The following ROCK1 variants were observed in gnomAD, a reference collection of about 807,000 sequenced individuals.
ROCK1 encodes Rho associated coiled-coil containing protein kinase 1, also known as rho-associated protein kinase 1.
Under a neutral mutation model 196.8 loss-of-function variants are expected in ROCK1, and 36 were observed. The observed-to-expected ratio is 0.18, with a 90% confidence interval of 0.14 to 0.24. ROCK1 has a LOEUF of 0.24. Among genes scored for constraint, ROCK1 ranks in the 10% least tolerant of loss-of-function variants. The pLI, the probability that ROCK1 is intolerant of heterozygous loss-of-function variation, is 1.00. For synonymous variants in ROCK1, 443 were observed against 515.9 expected (o/e 0.86, Z 1.91); for missense variants, 920 against 1,562.0 (o/e 0.59, Z 6.93).
At chr18:21,008,600 A>G (rs560742010) in intron 13 of ROCK1, among the ~76,000 whole-genome samples, 1 of 152,172 alleles carries the variant, frequency 6.6e-6, no homozygotes, top group Admixed American at 6.5e-5. Context: ...CACAACTTAA[A>G]AATGTACCTT....
intron 2 of ROCK1, among the ~76,000 whole-genome samples, chr18:21,059,051 C>T (rs2036267335): frequency 6.6e-6 from 1 of 152,052 alleles, no homozygotes; most frequent in Non-Finnish European, 1.5e-5. Context: ...TATAAAAAAT[C>T]CAGACTCCTA....
At chr18:20,958,651 G>A (rs1005845960) in intron 29 of ROCK1, among the ~76,000 whole-genome samples, 2 of 150,620 alleles carry the variant, frequency 1.3e-5, no homozygotes, top group African/African-American at 4.9e-5. Context: ...ACAGGGAACT[G>A]ATTCCAGGAA....
chr18:21,054,828 T>C (rs572185788), intron 2 of ROCK1, among the ~76,000 whole-genome samples: 1 of 152,202 alleles, frequency 6.6e-6, no homozygotes, highest in African/African-American at 2.4e-5. Context: ...TCCATGGTCA[T>C]ATACTAGACC....
intron 2 of ROCK1, among the ~76,000 whole-genome samples, chr18:21,065,594 C>A (rs1161584612): frequency 6.6e-6 from 1 of 152,030 alleles, no homozygotes; most frequent in Non-Finnish European, 1.5e-5. Flanking sequence ...CAAATTTTCT[C>A]TCCCTTCATC....
intron 16 of ROCK1, among the ~76,000 whole-genome samples, chr18:20,998,627 CA>C (rs1341504501): frequency 6.3e-4 from 66 of 104,658 alleles, no homozygotes; most frequent in African/African-American, 2.6e-3. Flanking sequence ...TTTTTTGAGA[CA>C]GGATCTTGCT....
In ROCK1 at chr18:20,992,954, A is replaced by C. The variant is rs1167212538; in HGVS notation, c.1886-17T>G. 2 of 1,512,226 alleles carry C rather than the reference A, an allele frequency of 1.3e-6. No homozygotes were observed. The highest frequency in any genetic ancestry group is 1.8e-6 in the Non-Finnish European group (2 of 1,089,356). The allele number at this position is 1,512,226 out of a possible 1,614,324, so 93.7% of individuals were successfully genotyped here. A position where few individuals can be genotyped will look rare whatever the true frequency, so the allele number is the denominator to read the frequency against. On this transcript the variant is annotated splice_polypyrimidine_tract_variant and intron_variant, in intron 16 of 32. Transcript: ENST00000399799. ...TAATTCGAGCTATCAAGTGAGAAAA[A>C]AGTTCAAGTCTGTAGTCATTGAAAG...
At chr18:20,960,437 C>T (rs1281444646) in intron 27 of ROCK1, among the ~76,000 whole-genome samples, 1 of 151,676 alleles carries the variant, frequency 6.6e-6, no homozygotes. Flanking sequence ...ATTTAGTAAT[C>T]AATTACAAAA....
intron 27 of ROCK1, among the ~76,000 whole-genome samples, chr18:20,962,233 A>C (rs2035334162): frequency 6.6e-6 from 1 of 152,204 alleles, no homozygotes; most frequent in Admixed American, 6.5e-5. Flanking sequence ...CCAATATTTT[A>C]TCTTATAAAA....
Position 20,968,798 on chromosome 18 carries a change from T to C in ROCK1, c.2977A>G (p.Asn993Asp). 6.2e-7 allele frequency: 1 copy of C among 1,607,396 alleles called. No individual in the cohort carries two copies. The highest frequency in any genetic ancestry group is 1.3e-5 in the African/African-American group (1 of 74,874). ...TGTGTTTTAAGGGTTCGTTCAGTGT[T>C]GATATTCTTTTCAAAGGCAGCCTTA... ...NLKAAFEKNI[N>D]TERTLKTQAV... The change falls in exon 25 of 33, where the codon AAC becomes GAC. Residue 993 changes from asparagine (N) to aspartate (D), a missense_variant. Asn to Asp is a conservative substitution (Grantham distance 23, BLOSUM62 1). Transcript: ENST00000399799.
intron 22 of ROCK1, among the ~76,000 whole-genome samples, chr18:20,970,718 G>A (rs984949948): frequency 2.6e-5 from 4 of 152,132 alleles, no homozygotes; most frequent in African/African-American, 9.7e-5. Context: ...GAACTATTTA[G>A]TTTTCTATCC....
At chr18:21,063,762 T>C (rs926008489) in intron 2 of ROCK1, among the ~76,000 whole-genome samples, 1 of 152,166 alleles carries the variant, frequency 6.6e-6, no homozygotes, top group African/African-American at 2.4e-5. Context: ...TAAATGAAAA[T>C]GAAGAAGCTT....
In ROCK1 at chr18:21,009,872, C is replaced by T. The variant is rs183475384; in HGVS notation, c.1411-1678G>A. 1.1e-4 allele frequency among the ~76,000 whole-genome samples: 16 copies of T among 152,214 alleles called. No homozygotes were observed. In the East Asian group the frequency reaches 1.9e-3, roughly 18 times the overall value. ...CTAAAAAGTTTAAAAAGTATGGATT[C>T]GCTTTCCTTAACACTTATATAGGGC... On this transcript the variant is annotated intron_variant, in intron 13 of 32. Transcript: ENST00000399799.
chr18:21,029,216 G>A (rs1371728430), intron 9 of ROCK1, among the ~76,000 whole-genome samples: 2 of 152,148 alleles, frequency 1.3e-5, no homozygotes, highest in South Asian at 2.1e-4. Flanking sequence ...ACTAAGGTTT[G>A]TTTTAGAATG....
chr18:20,997,836 A>AT lies in ROCK1; in HGVS notation c.1886-4900dup, dbSNP rs112658977. ...AAAACTAGAAATCAACAACAAGTGGATTTTTTTTTTTTTTTTGAGACGAAG... is the reference window on the plus strand; with the variant it reads ...AAAACTAGAAATCAACAACAAGTGGATTTTTTTTTTTTTTTTTGAGACGAAG... On this transcript the variant is annotated intron_variant, in intron 16 of 32. Coordinates refer to ENST00000399799, the MANE Select transcript of ROCK1 (RefSeq NM_005406.3). Among the ~76,000 whole-genome samples, 627 of 141,924 alleles carry AT rather than the reference A, an allele frequency of 4.4e-3. 3 individuals carry two copies. The highest frequency in any genetic ancestry group is 7.4e-3 in the East Asian group (36 of 4,862). The allele number at this position is 141,924 out of a possible 152,430, so 93.1% of individuals were successfully genotyped here.
intron 16 of ROCK1, among the ~76,000 whole-genome samples, chr18:21,003,720 G>A (rs1180001296): frequency 6.6e-6 from 1 of 152,058 alleles, no homozygotes; most frequent in Non-Finnish European, 1.5e-5. Flanking sequence ...TATAGTACAG[G>A]TTAGGCATCC....
chr18:21,025,336 T>C (rs2035946632), intron 10 of ROCK1, among the ~76,000 whole-genome samples: 2 of 152,234 alleles, frequency 1.3e-5, no homozygotes, highest in South Asian at 4.1e-4. Context: ...TAAAAGTATA[T>C]CTGGATTTCA....
intron 9 of ROCK1, among the ~76,000 whole-genome samples, chr18:21,035,798 T>C (rs2036051887): frequency 6.6e-6 from 1 of 152,190 alleles, no homozygotes; most frequent in Admixed American, 6.5e-5. Flanking sequence ...GACATTGTGC[T>C]AGGTGAAATA....
chr18:20,984,657 A>G (rs1056726477), intron 19 of ROCK1, 122 bp from the exon 20 acceptor site: 4 of 672,024 alleles, frequency 6.0e-6, no homozygotes, highest in Non-Finnish European at 9.6e-6. Flanking sequence ...AAATATTAGT[A>G]TTTTAAAGAG....
intron 1 of ROCK1, among the ~76,000 whole-genome samples, chr18:21,099,744 CA>C (rs1243451229): frequency 6.6e-6 from 1 of 151,478 alleles, no homozygotes; most frequent in Non-Finnish European, 1.5e-5. Context: ...GACCCTGTCT[CA>C]AAAAACAGGC....
Sources: allele counts gnomAD v4.1 joint callset (sites outside exome capture counted in the v4.1 genomes callset), GRCh38; gene constraint gnomAD v4.1.1; transcripts MANE v1.5; gene names NCBI Gene and HGNC (gene_info 2026-07-23, HGNC 2026-07-21).